The following PLXNA4 variants were observed in gnomAD, a reference collection of about 807,000 sequenced individuals.
PLXNA4 encodes the protein plexin-A4.
PLXNA4 carries 44 observed loss-of-function variants against 191.8 expected under a neutral mutation model. The observed-to-expected ratio is 0.23, with a 90% CI of 0.18 to 0.29. The LOEUF (loss-of-function observed/expected upper bound fraction) is 0.29. PLXNA4 is among the 10% of genes least tolerant of loss of function. The pLI, the probability that PLXNA4 is intolerant of heterozygous loss-of-function variation, is 1.00. For missense variants in PLXNA4, 1,800 were observed against 2,488.8 expected (o/e 0.72, Z 5.89); for synonymous variants, 1,082 against 1,009.5 (o/e 1.07, Z -1.36).
chr7:132,326,618 C>T (rs1243173021), intron 3 of PLXNA4, among the ~76,000 whole-genome samples: 1 of 152,164 alleles, frequency 6.6e-6, no homozygotes, highest in Non-Finnish European at 1.5e-5. Flanking sequence ...ACAAGGCTGG[C>T]CCTCGCTTCC....
chr7:132,295,892 A>G (rs1291218174), intron 4 of PLXNA4, among the ~76,000 whole-genome samples: 2 of 152,222 alleles, frequency 1.3e-5, no homozygotes, highest in Non-Finnish European at 2.9e-5. Context: ...TTCTTGGAAA[A>G]AAACTATCTG....
At chr7:132,487,358 C>T (rs556518800) in intron 3 of PLXNA4, among the ~76,000 whole-genome samples, 45 of 152,148 alleles carry the variant, frequency 3.0e-4, no homozygotes, top group Non-Finnish European at 5.0e-4. Flanking sequence ...TAAAGCATCC[C>T]CCATACTGCT....
At chr7:132,562,794 A>ACCTCCTCCTTCTCCTCCTCCTTCT (rs368000485) in intron 1 of PLXNA4, among the ~76,000 whole-genome samples, 4 of 36,278 alleles carry the variant, frequency 1.1e-4, no homozygotes, top group Non-Finnish European at 1.9e-4. Context: ...TTCTTTCTCC[A>ACCTCCTCCTTCTCCTCCTCCTTCT]CCTCCTCCTT....
intron 13 of PLXNA4, 53 bp downstream of exon 13, chr7:132,198,432 C>G (rs1034621290): frequency 6.3e-7 from 1 of 1,587,968 alleles, no homozygotes. Context: ...ATCCCTAATA[C>G]TAACCCGTCT....
At chr7:132,237,339 C>T (rs1245134863) in intron 5 of PLXNA4, among the ~76,000 whole-genome samples, 2 of 152,124 alleles carry the variant, frequency 1.3e-5, no homozygotes, top group Admixed American at 6.5e-5. Flanking sequence ...GGGGAGGGTG[C>T]CTGCTCTTGT....
rs572234190 is a variant in PLXNA4, at chr7:132,444,820, C to T, written c.1371+44472G>A. ...ATGCATGCAAAATCATTCTTCTGGACGTGCAGGAGAAACTGAAAACCAGCA... is the reference window on the plus strand; with the variant it reads ...ATGCATGCAAAATCATTCTTCTGGATGTGCAGGAGAAACTGAAAACCAGCA... On this transcript the variant is annotated intron_variant, in intron 3 of 31. Transcript: ENST00000321063. Among the ~76,000 whole-genome samples the T allele has an allele frequency of 3.0e-4, 46 of 151,954 alleles. No homozygotes were observed. The South Asian group carries it at 4.4e-3, about 14-fold the overall frequency.
intron 3 of PLXNA4, chr7:132,384,885 A>G (rs767792272): frequency 1.8e-4 from 214 of 1,203,678 alleles, no homozygotes; most frequent in Non-Finnish European, 2.2e-4. Context: ...CCGATGGGAG[A>G]ATCAGTTAGT....
chr7:132,379,982 T>A (rs1804821756), intron 3 of PLXNA4, among the ~76,000 whole-genome samples: 1 of 152,184 alleles, frequency 6.6e-6, no homozygotes, highest in Non-Finnish European at 1.5e-5. Flanking sequence ...CCGTCACCCC[T>A]CACTGCCCCT....
intron 4 of PLXNA4, among the ~76,000 whole-genome samples, chr7:132,247,681 T>G (rs911739446): frequency 6.6e-6 from 1 of 152,208 alleles, no homozygotes; most frequent in Non-Finnish European, 1.5e-5. Context: ...CTGGCTGCCT[T>G]TCCAAGCTTT....
intron 2 of PLXNA4, among the ~76,000 whole-genome samples, chr7:132,600,074 G>C (rs1344818786): frequency 2.0e-5 from 3 of 152,102 alleles, no homozygotes; most frequent in Non-Finnish European, 4.4e-5. Context: ...AATTTGGTTA[G>C]CTAATATTTT....
At chr7:132,529,309 C>T (rs1437272486) in intron 1 of PLXNA4, among the ~76,000 whole-genome samples, 1 of 152,234 alleles carries the variant, frequency 6.6e-6, no homozygotes, top group Non-Finnish European at 1.5e-5. Flanking sequence ...CTCCTCAAAT[C>T]CTCCCTACTC....
intron 1 of PLXNA4, among the ~76,000 whole-genome samples, chr7:132,574,932 C>T (rs764224412): frequency 6.6e-5 from 10 of 152,178 alleles, no homozygotes; most frequent in South Asian, 2.1e-4. Context: ...CTGTAAGGCT[C>T]CTAACATATT....
intron 3 of PLXNA4, among the ~76,000 whole-genome samples, chr7:132,344,895 C>T (rs762769268): frequency 1.3e-5 from 2 of 152,142 alleles, no homozygotes; most frequent in Non-Finnish European, 2.9e-5. Context: ...GCAGGAAGGA[C>T]CTTTCCCCAC....
intron 1 of PLXNA4, among the ~76,000 whole-genome samples, chr7:132,550,307 G>A (rs1370458952): frequency 6.6e-6 from 1 of 152,194 alleles, no homozygotes; most frequent in Non-Finnish European, 1.5e-5. Flanking sequence ...TAAGCCTGGA[G>A]ATGCCTACAG....
chr7:132,254,748 C>T (rs1005011228), intron 4 of PLXNA4, among the ~76,000 whole-genome samples: 1 of 152,116 alleles, frequency 6.6e-6, no homozygotes, highest in African/African-American at 2.4e-5. Context: ...TTAGGAAGTT[C>T]GTTTTCAAGG....
At chr7:132,186,060 G>A (rs1427898928) in intron 15 of PLXNA4, among the ~76,000 whole-genome samples, 1 of 152,200 alleles carries the variant, frequency 6.6e-6, no homozygotes, top group Non-Finnish European at 1.5e-5. Flanking sequence ...GGCCAGGTCT[G>A]ACTTGGGAAT....
At chr7:132,591,915 A>G (rs1360408294) in intron 2 of PLXNA4, among the ~76,000 whole-genome samples, 1 of 152,162 alleles carries the variant, frequency 6.6e-6, no homozygotes, top group African/African-American at 2.4e-5. Flanking sequence ...CCCGGGAGCT[A>G]TTATCACATC....
chr7:132,579,251 C>A (rs545843562), upstream of PLXNA4, among the ~76,000 whole-genome samples: 1 of 152,146 alleles, frequency 6.6e-6, no homozygotes, highest in Non-Finnish European at 1.5e-5. Context: ...CAATTAAAGG[C>A]GCGGGGGAGA....
chr7:132,249,894 G>A (rs969651005), intron 4 of PLXNA4, among the ~76,000 whole-genome samples: 5 of 152,198 alleles, frequency 3.3e-5, no homozygotes, highest in African/African-American at 9.7e-5. Context: ...CCCCACCTAC[G>A]GGCAGATCAC....
Sources: gnomAD v4.1 joint callset for allele counts (sites outside exome capture counted in the v4.1 genomes callset) on GRCh38, gnomAD v4.1.1 for gene constraint, MANE v1.5 for transcripts, NCBI Gene and HGNC (gene_info 2026-07-23, HGNC 2026-07-21) for gene names.